The following IMMP2L variants were observed in gnomAD, a reference collection of about 807,000 sequenced individuals.
IMMP2L encodes the protein inner mitochondrial membrane peptidase subunit 2.
In IMMP2L, 18 loss-of-function variants were observed where a neutral mutation model predicts 19.3. The observed-to-expected ratio is 0.93, with a 90% CI of 0.64 to 1.38. The LOEUF is 1.38. Among genes scored for constraint, IMMP2L ranks in the 40% most tolerant of loss-of-function variants. The pLI is 0.00. For missense variants in IMMP2L, 233 were observed against 218.2 expected (o/e 1.07, Z -0.43); for synonymous variants, 76 against 73.0 (o/e 1.04, Z -0.21).
intron 3 of IMMP2L, among the ~76,000 whole-genome samples, chr7:111,291,601 G>C (rs1821112808): frequency 6.6e-6 from 1 of 152,042 alleles, no homozygotes; most frequent in Admixed American, 6.6e-5. Flanking sequence ...ATGGTTATCA[G>C]GGGCCACAGG....
chr7:111,097,286 C>T (rs899206646), intron 3 of IMMP2L: 1 of 151,840 alleles, frequency 6.6e-6, no homozygotes, highest in Admixed American at 6.6e-5. Flanking sequence ...ATTAAGCCCC[C>T]TAACGTGAAG....
At chr7:111,337,877 T>C (rs760622041) in intron 3 of IMMP2L, among the ~76,000 whole-genome samples, 1 of 152,126 alleles carries the variant, frequency 6.6e-6, no homozygotes, top group Admixed American at 6.6e-5. Flanking sequence ...AGCAACAGCA[T>C]CAACAAACAT....
At chr7:111,461,550 T>G (rs1021988432) in intron 3 of IMMP2L, among the ~76,000 whole-genome samples, 1 of 151,826 alleles carries the variant, frequency 6.6e-6, no homozygotes, top group Non-Finnish European at 1.5e-5. Flanking sequence ...TGAAGGCTTT[T>G]TTAACTCCTC....
intron 3 of IMMP2L, among the ~76,000 whole-genome samples, chr7:111,191,690 C>G (rs975372814): frequency 1.3e-5 from 2 of 152,036 alleles, no homozygotes; most frequent in Non-Finnish European, 2.9e-5. Flanking sequence ...AGACCAGTTA[C>G]TGTCTTTAGG....
At chr7:111,524,663 T>C (rs1846667591) in intron 1 of IMMP2L, among the ~76,000 whole-genome samples, 1 of 152,114 alleles carries the variant, frequency 6.6e-6, no homozygotes, top group Non-Finnish European at 1.5e-5. Flanking sequence ...CTCAAGTTTA[T>C]TACCTTCTGA....
At chr7:111,437,856 A>C (rs1207252605) in intron 3 of IMMP2L, among the ~76,000 whole-genome samples, 1 of 151,912 alleles carries the variant, frequency 6.6e-6, no homozygotes, top group Non-Finnish European at 1.5e-5. Flanking sequence ...TATGCAGTGC[A>C]CAACCTGCAG....
chr7:111,156,766 G>T (rs1562866050), intron 3 of IMMP2L, among the ~76,000 whole-genome samples: 1 of 151,778 alleles, frequency 6.6e-6, no homozygotes, highest in Non-Finnish European at 1.5e-5. Context: ...CTGACTTTGT[G>T]TGCAGACCTT....
chr7:110,864,036 C>A (rs577841029), intron 5 of IMMP2L, among the ~76,000 whole-genome samples: 13 of 152,006 alleles, frequency 8.6e-5, no homozygotes, highest in Non-Finnish European at 1.5e-4. Flanking sequence ...CCCCACGTAA[C>A]ACATATTTAG....
chr7:111,416,198 A>C (rs576659635), intron 3 of IMMP2L, among the ~76,000 whole-genome samples: 53 of 151,788 alleles, frequency 3.5e-4, no homozygotes, highest in Non-Finnish European at 6.3e-4. Context: ...TACATATTGA[A>C]ACTTTATATA....
chr7:110,720,736 G>A (rs1449035832), intron 5 of IMMP2L, among the ~76,000 whole-genome samples: 1 of 152,002 alleles, frequency 6.6e-6, no homozygotes, highest in Non-Finnish European at 1.5e-5. Flanking sequence ...ATTCTATGTC[G>A]AATATTTCTG....
Position 111,352,098 on chromosome 7 carries a change from A to G in IMMP2L, c.239+135140T>C, listed in dbSNP as rs114887439. 8.7e-3 allele frequency among the ~76,000 whole-genome samples: 1,330 copies of G among 152,288 alleles called. 24 individuals are homozygous for G. Among genetic ancestry groups the G allele is most frequent in the African/African-American group, 0.03 (1,252 of 41,552 alleles). On this transcript the variant is annotated intron_variant, in intron 3 of 5. Transcript: ENST00000405709. ...AAATATATACATAAAACCAAGACAT[A>G]TGTGTAAAAGGTATAAATGCAGTCA...
At chr7:110,825,378 A>G (rs1299804290) in intron 5 of IMMP2L, among the ~76,000 whole-genome samples, 2 of 152,174 alleles carry the variant, frequency 1.3e-5, no homozygotes, top group East Asian at 3.9e-4. Flanking sequence ...CGCATTGCCA[A>G]GTCAATCCTA....
intron 3 of IMMP2L, among the ~76,000 whole-genome samples, chr7:111,254,075 A>G (rs1816440233): frequency 6.6e-6 from 1 of 152,158 alleles, no homozygotes; most frequent in African/African-American, 2.4e-5. Context: ...TTGTGCATCA[A>G]GTTACCTCTT....
intron 3 of IMMP2L, among the ~76,000 whole-genome samples, chr7:111,281,520 T>G (rs1382435300): frequency 6.6e-6 from 1 of 152,170 alleles, no homozygotes; most frequent in Non-Finnish European, 1.5e-5. Context: ...TTAACCTTTA[T>G]TTTATCCAAC....
chr7:111,546,865 G>GA (rs758956674), intron 1 of IMMP2L, among the ~76,000 whole-genome samples: 2 of 152,176 alleles, frequency 1.3e-5, no homozygotes, highest in South Asian at 2.1e-4. Flanking sequence ...AATTGTATCT[G>GA]AAAAAATGAG....
At chr7:111,537,383 T>A (rs1247759794) in intron 1 of IMMP2L, among the ~76,000 whole-genome samples, 5 of 152,070 alleles carry the variant, frequency 3.3e-5, no homozygotes, top group Non-Finnish European at 2.9e-5. Context: ...AAAGTGAGCA[T>A]TCATGAAAAA....
intron 5 of IMMP2L, among the ~76,000 whole-genome samples, chr7:110,752,581 C>A (rs988350394): frequency 6.6e-6 from 1 of 152,020 alleles, no homozygotes; most frequent in African/African-American, 2.4e-5. Context: ...TCTTTGGATT[C>A]TCTGGCCCTC....
intron 3 of IMMP2L, among the ~76,000 whole-genome samples, chr7:111,323,382 A>G (rs533165904): frequency 1.2e-4 from 18 of 152,262 alleles, no homozygotes; most frequent in Admixed American, 2.6e-4. Context: ...CAAAAGGCAC[A>G]TGAAAAAATG....
intron 3 of IMMP2L, among the ~76,000 whole-genome samples, chr7:111,055,102 G>C (rs1793382388): frequency 6.6e-6 from 1 of 150,902 alleles, no homozygotes. Context: ...CCAGGCTGGA[G>C]TGCAGTGGTG....
Sources: allele counts gnomAD v4.1 joint callset (sites outside exome capture counted in the v4.1 genomes callset), GRCh38; gene constraint gnomAD v4.1.1; transcripts MANE v1.5; gene names NCBI Gene and HGNC (gene_info 2026-07-23, HGNC 2026-07-21).